Variants in CXADR observed in about 807,000 individuals in gnomAD.
The protein encoded by CXADR is coxsackievirus and adenovirus receptor.
In CXADR, 20 loss-of-function variants were observed where a neutral mutation model predicts 40.3. That is an observed-to-expected ratio of 0.50 (90% CI 0.35 to 0.72). The LOEUF is 0.72. Among genes scored for constraint, CXADR ranks in the 30% least tolerant of loss-of-function variants. The pLI is 0.01. For synonymous variants in CXADR, 150 were observed against 161.3 expected, an observed-to-expected ratio of 0.93 and a Z score of 0.53; for missense variants, 332 against 449.1, an observed-to-expected ratio of 0.74 and a Z score of 2.36.
the CXADR span, among the ~76,000 whole-genome samples, chr21:17,621,168 C>A: frequency 2.6e-5 from 4 of 152,332 alleles, no homozygotes; most frequent in African/African-American, 7.2e-5. Context: ...CAAGTTGACG[C>A]ATACAATCAA....
rs71189554 is a variant in CXADR at position 17,586,401 on chromosome 21, G to GTATATA, written c.1018-6742_1018-6737dup. ...ATGTGTGTATATATATATATAATGT[G>GTATATA]TATATATATATATAATATATATTAT... On this transcript the variant is annotated intron_variant, in intron 7 of 7. Coordinates refer to the CXADR transcript ENST00000400169. Among the ~76,000 whole-genome samples, 683 of 145,364 alleles carry GTATATA rather than the reference G, an allele frequency of 4.7e-3. 2 individuals carry two copies. Among genetic ancestry groups the GTATATA allele is most frequent in the Admixed American group, 9.7e-3 (140 of 14,450 alleles).
At position 17,588,517 on chromosome 21, in the gene CXADR, A is replaced by G. The variant is rs185057705; in HGVS notation, c.1018-4635A>G. 3.6e-3 allele frequency among the ~76,000 whole-genome samples: 553 copies of G among 152,296 alleles called. 4 individuals carry two copies. Among genetic ancestry groups the G allele is most frequent in the African/African-American group, 0.012 (499 of 41,576 alleles). On this transcript the variant is annotated intron_variant, in intron 7 of 7. Coordinates refer to the CXADR transcript ENST00000400169. Reference sequence around the variant, plus strand: ...AGCAATTGTGAATGGGAGTTCACTCATGATTTGGCTCTCTGTTTGTCTGTT... The same window carrying G: ...AGCAATTGTGAATGGGAGTTCACTCGTGATTTGGCTCTCTGTTTGTCTGTT...
intron 7 of CXADR, among the ~76,000 whole-genome samples, chr21:17,589,662 A>T (rs1029020457): frequency 3.3e-5 from 5 of 151,826 alleles, no homozygotes; most frequent in Admixed American, 6.6e-5. Context: ...TTCAAATTTT[A>T]TTAAACTGTT....
chr21:17,573,715 C>T (rs1444895612), downstream of CXADR, among the ~76,000 whole-genome samples: 1 of 152,142 alleles, frequency 6.6e-6, no homozygotes, highest in East Asian at 1.9e-4. Context: ...TCGAGACCAG[C>T]CTGACCAATG....
intron 1 of CXADR, among the ~76,000 whole-genome samples, chr21:17,524,204 T>C: frequency 6.6e-6 from 1 of 151,988 alleles, no homozygotes; most frequent in Admixed American, 6.6e-5. Flanking sequence ...TACATTGATC[T>C]CTTCTGTGCC....
chr21:17,617,530 A>C, the CXADR span, among the ~76,000 whole-genome samples: 20 of 152,366 alleles, frequency 1.3e-4, no homozygotes, highest in African/African-American at 4.6e-4. Context: ...GTTCCAAACC[A>C]CCACAATTAA....
At chr21:17,584,733 A>C (rs767981171) in intron 7 of CXADR, among the ~76,000 whole-genome samples, 10 of 152,210 alleles carry the variant, frequency 6.6e-5, no homozygotes, top group Non-Finnish European at 1.3e-4. Flanking sequence ...CTGGAGGCTG[A>C]GGCAGGAGAA....
intron 7 of CXADR, among the ~76,000 whole-genome samples, chr21:17,588,095 C>G (rs1402566610): frequency 6.6e-6 from 1 of 152,070 alleles, no homozygotes; most frequent in Non-Finnish European, 1.5e-5. Context: ...TGGTTTATAT[C>G]TCTGTTTTGG....
intron 1 of CXADR, among the ~76,000 whole-genome samples, chr21:17,537,763 G>A (rs2060777588): frequency 6.6e-6 from 1 of 151,798 alleles, no homozygotes; most frequent in South Asian, 2.1e-4. Flanking sequence ...ATTTTGCTCT[G>A]CTAAAAAAAA....
In CXADR at chr21:17,593,119, C is replaced by CTAT. The variant is rs1335309758; in HGVS notation, c.1018-32_1018-31insATT. The CTAT allele has an allele frequency of 4.3e-6, 6 of 1,386,002 alleles. No homozygotes were observed. In the Admixed American group the frequency reaches 1.5e-4, roughly 35 times the overall value. 85.9% of individuals were successfully genotyped at this position (1,386,002 alleles called of 1,614,324 possible). ...TTACCTTTGGAGAAAAATCAAAACTCTTATAGAGATATCTCTTTTTTTCTT... is the reference window on the plus strand; with the variant it reads ...TTACCTTTGGAGAAAAATCAAAACTCTATTTATAGAGATATCTCTTTTTTTCTT... On this transcript the variant is annotated intron_variant, in intron 7 of 7. Transcript: ENST00000400169.
intron 1 of CXADR, among the ~76,000 whole-genome samples, chr21:17,521,040 A>G (rs748937317): frequency 3.9e-5 from 6 of 152,198 alleles, no homozygotes; most frequent in Non-Finnish European, 7.3e-5. Flanking sequence ...CACTGCTGTT[A>G]GGTGGCGTCT....
At chr21:17,598,209 TATA>T (rs2061528457), downstream of CXADR, among the ~76,000 whole-genome samples, 1 of 152,036 alleles carries the variant, frequency 6.6e-6, no homozygotes, top group African/African-American at 2.4e-5. Context: ...TTAATTATAA[TATA>T]ATAAATTTAG....
At chr21:17,595,454 AT>A (rs568570292), downstream of CXADR, among the ~76,000 whole-genome samples, 22 of 151,894 alleles carry the variant, frequency 1.4e-4, no homozygotes, top group Non-Finnish European at 3.2e-4. Context: ...GACACCAAAC[AT>A]TTTTTTAAAT....
rs142886545 is a variant in CXADR, at chr21:17,517,741, A to T, written c.43+4569A>T. ...AATCTTACAAAAGGTGGGATTAGGCACTCGCTTAACTCTATATGGAGAACA... is the reference window on the plus strand; with the variant it reads ...AATCTTACAAAAGGTGGGATTAGGCTCTCGCTTAACTCTATATGGAGAACA... On this transcript the variant is annotated intron_variant, in intron 1 of 6. Transcript: ENST00000284878. Among the ~76,000 whole-genome samples, 481 of 152,290 alleles carry T rather than the reference A, an allele frequency of 3.2e-3. 3 individuals carry two copies. The highest frequency in any genetic ancestry group is 0.011 in the African/African-American group (466 of 41,556).
chr21:17,616,913 G>A, the CXADR span, among the ~76,000 whole-genome samples: 1 of 152,086 alleles, frequency 6.6e-6, no homozygotes, highest in Non-Finnish European at 1.5e-5. Context: ...TAAAGTATAA[G>A]CATAAAGAAA....
chr21:17,604,925 C>A, the CXADR span: 2 of 1,614,190 alleles, frequency 1.2e-6, no homozygotes, highest in South Asian at 2.2e-5. Context: ...GGTCACTATA[C>A]AAGATGCAGC....
At chr21:17,519,397 A>G (rs1367201944) in intron 1 of CXADR, among the ~76,000 whole-genome samples, 1 of 152,186 alleles carries the variant, frequency 6.6e-6, no homozygotes, top group Non-Finnish European at 1.5e-5. Flanking sequence ...CTTCTCATCT[A>G]ATAAAGATGG....
At chr21:17,514,536 T>C (rs569609613) in intron 1 of CXADR, among the ~76,000 whole-genome samples, 1 of 143,138 alleles carries the variant, frequency 7.0e-6, no homozygotes, top group South Asian at 2.3e-4. Flanking sequence ...AACCTGAAGA[T>C]GAAGTTGAGA....
At chr21:17,593,130 A>C (rs994594158) in intron 7 of CXADR, 2 of 1,399,124 alleles carry the variant, frequency 1.4e-6, no homozygotes, top group Non-Finnish European at 9.4e-7. Flanking sequence ...TTATAGAGAT[A>C]TCTCTTTTTT....
Sources: gnomAD v4.1 joint callset for allele counts (sites outside exome capture counted in the v4.1 genomes callset) on GRCh38, gnomAD v4.1.1 for gene constraint, MANE v1.5 for transcripts, NCBI Gene and HGNC (gene_info 2026-07-23, HGNC 2026-07-21) for gene names.